The following ELOVL5 variants were observed in gnomAD, a reference collection of about 807,000 sequenced individuals.
The protein encoded by ELOVL5 is very long chain fatty acid elongase 5.
ELOVL5 carries 8 observed loss-of-function variants against 38.6 expected under a neutral mutation model. That is an observed-to-expected ratio of 0.21 (90% CI 0.12 to 0.37). ELOVL5 has a LOEUF of 0.37. ELOVL5 is among the 10% of genes least tolerant of loss of function. The pLI, the probability that ELOVL5 is intolerant of heterozygous loss-of-function variation, is 1.00. For synonymous variants in ELOVL5, 127 were observed against 133.7 expected, an observed-to-expected ratio of 0.95 and a Z score of 0.34; for missense variants, 280 against 367.8, an observed-to-expected ratio of 0.76 and a Z score of 1.95.
chr6:53,323,437 C>T (rs1768376550), intron 1 of ELOVL5, among the ~76,000 whole-genome samples: 1 of 152,122 alleles, frequency 6.6e-6, no homozygotes, highest in South Asian at 2.1e-4. Context: ...TATTAATTCT[C>T]AGGTAAGGAG....
At chr6:53,274,256 G>A (rs1561862552) in intron 5 of ELOVL5, among the ~76,000 whole-genome samples, 1 of 152,078 alleles carries the variant, frequency 6.6e-6, no homozygotes, top group Admixed American at 6.6e-5. Flanking sequence ...AGAGCAGAAA[G>A]CCCCAACTCT....
At chr6:53,289,641 A>C (rs1225841968) in intron 3 of ELOVL5, among the ~76,000 whole-genome samples, 2 of 152,172 alleles carry the variant, frequency 1.3e-5, no homozygotes, top group East Asian at 3.9e-4. Flanking sequence ...AATCGCTTGA[A>C]CCTGGGAAGC....
chr6:53,276,050 TTTA>T (rs1402231393), intron 4 of ELOVL5, 126 bp downstream of exon 4: 13 of 643,092 alleles, frequency 2.0e-5, no homozygotes, highest in Non-Finnish European at 3.2e-5. Context: ...TATTGCCTTT[TTTA>T]TTCTTTTAAA....
At chr6:53,281,822 G>GT (rs56133416) in intron 3 of ELOVL5, among the ~76,000 whole-genome samples, 83,398 of 147,222 alleles carry the variant, frequency 0.57, 24,803 homozygotes, top group African/African-American at 0.79. Flanking sequence ...CTCCACAGGT[G>GT]TTTTTTTTTT....
intron 3 of ELOVL5, among the ~76,000 whole-genome samples, chr6:53,284,592 GT>G (rs1489079609): frequency 6.6e-6 from 1 of 152,076 alleles, no homozygotes; most frequent in Non-Finnish European, 1.5e-5. Flanking sequence ...CACAAAAAAG[GT>G]GACAGAAAGT....
intron 1 of ELOVL5, among the ~76,000 whole-genome samples, chr6:53,344,313 G>C (rs1389016465): frequency 6.6e-6 from 1 of 152,034 alleles, no homozygotes; most frequent in Non-Finnish European, 1.5e-5. Context: ...TCTTATCCTG[G>C]ACACAGTCTC....
intron 1 of ELOVL5, among the ~76,000 whole-genome samples, chr6:53,345,088 C>T (rs1769482714): frequency 6.6e-6 from 1 of 152,164 alleles, no homozygotes; most frequent in African/African-American, 2.4e-5. Context: ...ATCAAATGTC[C>T]ACTGTTCCAG....
At chr6:53,316,721 A>G (rs1768060789) in intron 1 of ELOVL5, among the ~76,000 whole-genome samples, 1 of 149,366 alleles carries the variant, frequency 6.7e-6, no homozygotes. Flanking sequence ...GGGGGAGTCC[A>G]AGCTCTTGGC....
chr6:53,308,181 G>C (rs958534240), intron 1 of ELOVL5, among the ~76,000 whole-genome samples: 2 of 152,142 alleles, frequency 1.3e-5, no homozygotes, highest in Admixed American at 1.3e-4. Context: ...CTGTAATTAA[G>C]ACCTAGATGG....
At chr6:53,291,724 G>T in intron 3 of ELOVL5, 52 bp downstream of exon 3, 3 of 1,452,496 alleles carry the variant, frequency 2.1e-6, no homozygotes, top group Non-Finnish European at 2.8e-6. Context: ...ATTTAGGACA[G>T]CAATATGAGT....
At chr6:53,316,936 T>C (rs1378543290) in intron 1 of ELOVL5, among the ~76,000 whole-genome samples, 2 of 152,208 alleles carry the variant, frequency 1.3e-5, no homozygotes, top group Non-Finnish European at 2.9e-5. Flanking sequence ...TCATATAGTT[T>C]GAATTAGTGG....
intron 1 of ELOVL5, among the ~76,000 whole-genome samples, chr6:53,329,119 A>G (rs1379496804): frequency 1.3e-5 from 2 of 152,178 alleles, no homozygotes; most frequent in Non-Finnish European, 2.9e-5. Context: ...AAGAAGGAAA[A>G]ATGTTTTTAT....
At chr6:53,329,038 CAT>C (rs1349572322) in intron 1 of ELOVL5, among the ~76,000 whole-genome samples, 2 of 152,156 alleles carry the variant, frequency 1.3e-5, no homozygotes, top group Non-Finnish European at 2.9e-5. Flanking sequence ...AGGTGACACA[CAT>C]AGAGCCTGTG....
chr6:53,320,326 A>C (rs186003), intron 1 of ELOVL5, among the ~76,000 whole-genome samples: 62,619 of 151,222 alleles, frequency 0.41, 15,324 homozygotes, highest in East Asian at 0.58. Flanking sequence ...AAAACAAAAC[A>C]ACCCCACATT....
rs770332236 is a variant in ELOVL5 at position 53,294,381 on chromosome 6, A to G, written c.58+1261T>C. 9 of 1,560,062 alleles carry G rather than the reference A, an allele frequency of 5.8e-6. No homozygotes were observed. The East Asian group carries it at 9.5e-5, about 17-fold the overall frequency. On this transcript the variant is annotated intron_variant, in intron 2 of 7. Coordinates refer to ENST00000304434, the MANE Select transcript of ELOVL5 (RefSeq NM_021814.5). ...ACAACTTCTTTATGCTTAAAACCACACAAATGAAACATTTTTTCTTCTTCC... is the reference window on the plus strand; with the variant it reads ...ACAACTTCTTTATGCTTAAAACCACGCAAATGAAACATTTTTTCTTCTTCC...
At chr6:53,345,233 T>C (rs757369613) in intron 1 of ELOVL5, among the ~76,000 whole-genome samples, 4 of 152,142 alleles carry the variant, frequency 2.6e-5, no homozygotes, top group Non-Finnish European at 5.9e-5. Flanking sequence ...AAAATCAGTC[T>C]AGGACATAAC....
chr6:53,299,237 G>A (rs1767147311), intron 1 of ELOVL5, among the ~76,000 whole-genome samples: 1 of 152,160 alleles, frequency 6.6e-6, no homozygotes, highest in South Asian at 2.1e-4. Flanking sequence ...TCAAACAAAA[G>A]TATTCTGAGA....
At chr6:53,300,655 G>C (rs953154883) in intron 1 of ELOVL5, among the ~76,000 whole-genome samples, 2 of 152,192 alleles carry the variant, frequency 1.3e-5, no homozygotes, top group African/African-American at 4.8e-5. Flanking sequence ...TGGCCCTGGG[G>C]TCAGGGCTAG....
At chr6:53,305,652 C>T (rs928415303) in intron 1 of ELOVL5, among the ~76,000 whole-genome samples, 8 of 150,440 alleles carry the variant, frequency 5.3e-5, no homozygotes, top group South Asian at 2.1e-4. Flanking sequence ...GGATGGCGGC[C>T]GGGAAGAGGC....
Sources: gnomAD v4.1 joint callset for allele counts (sites outside exome capture counted in the v4.1 genomes callset) on GRCh38, gnomAD v4.1.1 for gene constraint, MANE v1.5 for transcripts, NCBI Gene and HGNC (gene_info 2026-07-23, HGNC 2026-07-21) for gene names.